The following CEP192 variants were observed in gnomAD, a reference collection of about 807,000 sequenced individuals.
CEP192 encodes centrosomal protein 192, also known as centrosomal protein of 192 kDa.
CEP192 carries 151 observed loss-of-function variants against 271.8 expected under a neutral mutation model. That is an observed-to-expected ratio of 0.56 (90% CI 0.49 to 0.64). CEP192 has a LOEUF of 0.64. Among genes scored for constraint, CEP192 ranks in the 30% least tolerant of loss-of-function variants. The pLI is 0.00. For missense variants in CEP192, 2,910 were observed against 3,020.5 expected (o/e 0.96, Z 0.86); for synonymous variants, 995 against 1,076.5 (o/e 0.92, Z 1.48).
chr18:13,084,879 T>C (rs1326640686), intron 30 of CEP192, among the ~76,000 whole-genome samples: 1 of 151,620 alleles, frequency 6.6e-6, no homozygotes, highest in Non-Finnish European at 1.5e-5. Context: ...AGTGGTACAA[T>C]CTCGGCTCAC....
intron 30 of CEP192, among the ~76,000 whole-genome samples, chr18:13,076,174 T>C (rs1216953302): frequency 6.6e-6 from 1 of 152,230 alleles, no homozygotes; most frequent in Non-Finnish European, 1.5e-5. Flanking sequence ...GCAATAGTTT[T>C]TCCTGTTTAA....
At chr18:13,001,995 G>A (rs1261395732) in intron 3 of CEP192, among the ~76,000 whole-genome samples, 2 of 152,206 alleles carry the variant, frequency 1.3e-5, no homozygotes, top group Non-Finnish European at 2.9e-5. Flanking sequence ...TAGAATTGTA[G>A]GCGTGAGCCA....
At chr18:13,010,396 A>T (rs1361801476) in intron 4 of CEP192, among the ~76,000 whole-genome samples, 2 of 152,126 alleles carry the variant, frequency 1.3e-5, no homozygotes, top group African/African-American at 4.8e-5. Context: ...ATGTTAGAAA[A>T]ATTTTAAGGG....
chr18:13,099,957 C>T (rs1420144598), intron 37 of CEP192, among the ~76,000 whole-genome samples: 1 of 152,098 alleles, frequency 6.6e-6, no homozygotes, highest in Non-Finnish European at 1.5e-5. Flanking sequence ...ACTAATCTCC[C>T]CCATGGATAC....
intron 11 of CEP192, among the ~76,000 whole-genome samples, chr18:13,031,036 G>C (rs1473561057): frequency 6.6e-6 from 1 of 152,130 alleles, no homozygotes. Flanking sequence ...AATCTCAAGG[G>C]ATAAAAGCGT....
chr18:13,035,088 T>C (rs1598418227), intron 11 of CEP192, among the ~76,000 whole-genome samples: 3 of 152,330 alleles, frequency 2.0e-5, no homozygotes, highest in Admixed American at 2.0e-4. Context: ...TGTGATTGAT[T>C]TCTGATGAGT....
In CEP192 at chr18:13,087,000, A is replaced by C; in HGVS notation, c.5617-17A>C. On this transcript the variant is annotated splice_polypyrimidine_tract_variant and intron_variant, in intron 30 of 44. Coordinates refer to ENST00000506447, the MANE Select transcript of CEP192 (RefSeq NM_032142.4). ...GCTTAACATTAAAATAATTTTGGAT[A>C]TGTATATCTTTTTTAGATACCTTTG... is the stretch of plus-strand genomic sequence containing the variant. 1 of 1,557,670 alleles carries C rather than the reference A, an allele frequency of 6.4e-7. No individual in the cohort carries two copies. Among genetic ancestry groups the C allele is most frequent in the Non-Finnish European group, 8.8e-7 (1 of 1,140,260 alleles).
chr18:13,040,779 C>T (rs1317437053), intron 13 of CEP192, 51 bp from the exon 14 acceptor site: 3 of 1,451,188 alleles, frequency 2.1e-6, no homozygotes, highest in African/African-American at 1.4e-5. Flanking sequence ...TCTAGAATTT[C>T]TCAAAGCAGT....
intron 38 of CEP192, among the ~76,000 whole-genome samples, chr18:13,101,903 T>G (rs516572): frequency 0.47 from 70,806 of 151,902 alleles, 16,663 homozygotes; most frequent in Middle Eastern, 0.53. Context: ...TCTGTCCTTA[T>G]AGTTGCTGTT....
rs1216085724 is a variant in CEP192, at chr18:13,067,899, A to G, written c.4557A>G (p.Pro1519=). ...DLTYGGWKAL[P]LKLINRTHAT... is the part of the protein sequence containing the mutation. Reference sequence around the variant, plus strand: ...CTTATGGAGGCTGGAAAGCCCTCCCACTAAAATTGATAAACCGAACGCATG... The same window carrying G: ...CTTATGGAGGCTGGAAAGCCCTCCCGCTAAAATTGATAAACCGAACGCATG... The change falls in exon 22 of 45, where the codon CCA becomes CCG. Residue 1519 remains proline (P), a synonymous_variant. Coordinates refer to ENST00000506447, the MANE Select transcript of CEP192 (RefSeq NM_032142.4). 1.9e-6 allele frequency: 3 copies of G among 1,613,258 alleles called. No individual in the cohort carries two copies. The highest frequency in any genetic ancestry group is 2.7e-5 in the African/African-American group (2 of 75,064).
intron 34 of CEP192, among the ~76,000 whole-genome samples, chr18:13,094,906 T>C (rs1174810338): frequency 6.6e-6 from 1 of 152,204 alleles, no homozygotes; most frequent in African/African-American, 2.4e-5. Flanking sequence ...CATTTTTACT[T>C]AATCCCCCTA....
At chr18:13,093,211 C>G (rs1465616960) in intron 34 of CEP192, among the ~76,000 whole-genome samples, 18 of 152,126 alleles carry the variant, frequency 1.2e-4, no homozygotes, top group Non-Finnish European at 1.5e-5. Flanking sequence ...AAAACTCATC[C>G]AAATTAGGAC....
chr18:13,025,957 C>T (rs943117314), intron 9 of CEP192, among the ~76,000 whole-genome samples: 4 of 152,152 alleles, frequency 2.6e-5, no homozygotes, highest in Admixed American at 2.6e-4. Context: ...GTCTTTGATG[C>T]TCTTCCTTTC....
At chr18:13,040,694 T>A in intron 13 of CEP192, 136 bp from the exon 14 acceptor site, 1 of 594,874 alleles carries the variant, frequency 1.7e-6, no homozygotes, top group Non-Finnish European at 2.8e-6. Context: ...AGGTCATCTC[T>A]AGTAATTTGA....
chr18:13,029,755 A>C lies in CEP192; in HGVS notation c.1143A>C (p.Arg381Ser). The change falls in exon 10 of 45, where the codon AGA (arginine) becomes AGC (serine). Residue 381 changes from arginine to serine, a missense_variant. Coordinates refer to ENST00000506447, the MANE Select transcript of CEP192 (RefSeq NM_032142.4). ...SDNFHDANAN[R>S]GGFDLTDPVK... ...ATTTTCATGATGCAAATGCCAATAGAGGTGGTTTTGATCTGACTGACCCTG... is the reference window on the plus strand; with the variant it reads ...ATTTTCATGATGCAAATGCCAATAGCGGTGGTTTTGATCTGACTGACCCTG... The C allele has an allele frequency of 5.2e-6, 8 of 1,551,638 alleles. No individual in the cohort carries two copies. Among genetic ancestry groups the C allele is most frequent in the Non-Finnish European group, 7.0e-6 (8 of 1,146,932 alleles).
intron 1 of CEP192, among the ~76,000 whole-genome samples, chr18:12,992,798 A>C (rs1374985354): frequency 6.6e-6 from 1 of 152,196 alleles, no homozygotes; most frequent in African/African-American, 2.4e-5. Context: ...AGGGATTGTC[A>C]GCTCCCTGAG....
At position 13,117,639 on chromosome 18, in the gene CEP192, T is replaced by C. The variant is rs1568446184; in HGVS notation, c.7471T>C (p.Leu2491=). 1.9e-6 allele frequency: 3 copies of C among 1,611,814 alleles called. No homozygotes were observed. In the South Asian group the frequency reaches 3.3e-5, roughly 18 times the overall value. The change falls in exon 44 of 45, where the codon TTG becomes CTG. Residue 2491 remains leucine, a synonymous_variant. Transcript: ENST00000506447. The part of the protein sequence containing the change: ...PFYVKHSKYS[L]RAQHYINMPV... Reference sequence around the variant, plus strand: ...CTATGTCAAACATTCCAAGTACTCTTTGAGGTAAGTTTATCGCAGATCACA... The same window carrying C: ...CTATGTCAAACATTCCAAGTACTCTCTGAGGTAAGTTTATCGCAGATCACA...
intron 42 of CEP192, among the ~76,000 whole-genome samples, 178 bp downstream of exon 42, chr18:13,114,429 T>C (rs900050960): frequency 6.6e-6 from 1 of 152,218 alleles, no homozygotes; most frequent in Admixed American, 6.5e-5. Context: ...TCAAGATTTG[T>C]CCTGTTCTGA....
In CEP192 at chr18:13,087,545, A is replaced by G. The variant is rs1471258973; in HGVS notation, c.5892A>G (p.Ile1964Met). The G allele has an allele frequency of 1.4e-6, 2 of 1,469,250 alleles. No homozygotes were observed. The highest frequency in any genetic ancestry group is 2.5e-5 in the South Asian group (2 of 80,694). 91.0% of individuals were successfully genotyped at this position (1,469,250 alleles called of 1,614,324 possible). A position where few individuals can be genotyped will look rare whatever the true frequency, so the allele number is the denominator to read the frequency against. Residue 1964 changes from isoleucine to methionine, a missense_variant, in exon 32 of 45, where the codon ATA becomes ATG. Ile to Met is a conservative substitution (Grantham distance 10, BLOSUM62 1). Transcript: ENST00000506447. ...KERTQENVTL[I>M]YNPSDRGINN... is the part of the protein sequence containing the mutation. The stretch of plus-strand genomic sequence containing the variant: ...CTTGGCATCAGAATGTTACTTTAAT[A>G]TATAATCCATCAGACAGAGGAATCA...
Sources: gnomAD v4.1 joint callset for allele counts (sites outside exome capture counted in the v4.1 genomes callset) on GRCh38, gnomAD v4.1.1 for gene constraint, MANE v1.5 for transcripts, NCBI Gene and HGNC (gene_info 2026-07-23, HGNC 2026-07-21) for gene names.